PCDH17: variants seen among roughly 807,000 people sequenced by gnomAD.
PCDH17 encodes protocadherin 17, also known as protocadherin-17.
Under a neutral mutation model 67.7 loss-of-function variants are expected in PCDH17, and 21 were observed. The ratio of observed to expected loss-of-function variants is 0.31; its 90% CI spans 0.22 to 0.45. The LOEUF (loss-of-function observed/expected upper bound fraction) is 0.45, where lower values mean the gene tolerates loss of function less well. Ranked by LOEUF, PCDH17 falls within the 20% of genes least tolerant of loss-of-function variation. The probability of loss-of-function intolerance (pLI) is 1.00; values close to 1 mark genes in which losing one functional copy is unlikely to be tolerated. For missense variants in PCDH17, 1,471 were observed against 1,564.8 expected (o/e 0.94, Z 1.01); for synonymous variants, 701 against 656.7 (o/e 1.07, Z -1.03).
intron 3 of PCDH17, among the ~76,000 whole-genome samples, chr13:57,714,876 G>T (rs1318082207): frequency 1.3e-5 from 2 of 151,712 alleles, no homozygotes; most frequent in Admixed American, 6.6e-5. Flanking sequence ...AAAGAGAAAC[G>T]TAGCAGAGAA....
chr13:57,646,232 G>A (rs1021701719), intron 1 of PCDH17, among the ~76,000 whole-genome samples: 1 of 151,474 alleles, frequency 6.6e-6, no homozygotes, highest in East Asian at 1.9e-4. Flanking sequence ...AAATTTTTAT[G>A]CAAATATTGA....
intron 1 of PCDH17, among the ~76,000 whole-genome samples, chr13:57,661,749 A>G (rs1955186375): frequency 1.3e-5 from 2 of 152,054 alleles, no homozygotes; most frequent in African/African-American, 2.4e-5. Flanking sequence ...TTAAACATCA[A>G]CTGTTCATAT....
At chr13:57,660,212 C>T (rs1361489287) in intron 1 of PCDH17, among the ~76,000 whole-genome samples, 3 of 152,116 alleles carry the variant, frequency 2.0e-5, no homozygotes, top group South Asian at 4.1e-4. Flanking sequence ...CCCCACTGCA[C>T]TCCAGCCTGA....
At chr13:57,642,483 T>C (rs544336446) in intron 1 of PCDH17, among the ~76,000 whole-genome samples, 7 of 151,786 alleles carry the variant, frequency 4.6e-5, no homozygotes, top group Non-Finnish European at 8.9e-5. Context: ...GCATCTATGC[T>C]TTACAGTTAC....
chr13:57,684,981 A>G (rs1233096377), intron 3 of PCDH17, among the ~76,000 whole-genome samples: 3 of 151,950 alleles, frequency 2.0e-5, no homozygotes, highest in Admixed American at 2.0e-4. Flanking sequence ...ACAGCACAGT[A>G]ATTAATTTTG....
At chr13:57,670,433 A>G (rs553014149) in intron 3 of PCDH17, among the ~76,000 whole-genome samples, 3 of 151,786 alleles carry the variant, frequency 2.0e-5, no homozygotes, top group Non-Finnish European at 3.0e-5. Context: ...ACGAGAAAAA[A>G]CTAGAGCTAA....
intron 1 of PCDH17, among the ~76,000 whole-genome samples, chr13:57,637,817 G>A (rs543034647): frequency 3.3e-5 from 5 of 152,030 alleles, no homozygotes; most frequent in Non-Finnish European, 7.4e-5. Flanking sequence ...TAAAGCTAAA[G>A]TTAAGATTTA....
chr13:57,666,971 C>A, intron 3 of PCDH17, 138 bp downstream of exon 3: 1 of 664,552 alleles, frequency 1.5e-6, no homozygotes, highest in Middle Eastern at 4.9e-4. Context: ...CTTGAGGTTG[C>A]CCCAGAAAAA....
rs1171125881 is a variant in PCDH17, at chr13:57,728,484, A to G, written c.*3190A>G. ...CACTTCATGGAAATTTCAGTAAGAA[A>G]CCCAAACTTCTAAAAATTGCTTGCA... On this transcript the variant is annotated 3_prime_UTR_variant, in exon 4 of 4. Coordinates refer to ENST00000377918, the MANE Select transcript of PCDH17 (RefSeq NM_001040429.3). 1 of 150,742 alleles carries G rather than the reference A, an allele frequency of 6.6e-6. No individual in the cohort carries two copies. The highest frequency in any genetic ancestry group is 2.4e-5 in the African/African-American group (1 of 40,946). 9.3% of individuals were successfully genotyped at this position (150,742 alleles called of 1,614,324 possible). A position where few individuals can be genotyped will look rare whatever the true frequency, so the allele number is the denominator to read the frequency against.
chr13:57,670,889 A>T (rs930057684), intron 3 of PCDH17, among the ~76,000 whole-genome samples: 2 of 151,888 alleles, frequency 1.3e-5, no homozygotes, highest in Admixed American at 6.6e-5. Flanking sequence ...TGTATTGCCC[A>T]CTATTTTGGC....
At chr13:57,713,444 A>G (rs1417073718) in intron 3 of PCDH17, among the ~76,000 whole-genome samples, 4 of 151,612 alleles carry the variant, frequency 2.6e-5, no homozygotes, top group Non-Finnish European at 5.9e-5. Context: ...AACAGCCTTT[A>G]TTTGAAATGG....
At chr13:57,652,092 C>T (rs1423741963) in intron 1 of PCDH17, among the ~76,000 whole-genome samples, 3 of 151,608 alleles carry the variant, frequency 2.0e-5, no homozygotes, top group African/African-American at 4.8e-5. Flanking sequence ...TCCTGGCTAA[C>T]AAGGTGAAAC....
chr13:57,728,890 G>T lies in PCDH17; in HGVS notation c.*3596G>T, dbSNP rs1269148638. 6.6e-6 allele frequency: 1 copy of T among 152,296 alleles called. No individual in the cohort carries two copies. The highest frequency in any genetic ancestry group is 1.5e-5 in the Non-Finnish European group (1 of 67,978). 9.4% of individuals were successfully genotyped at this position (152,296 alleles called of 1,614,324 possible). On this transcript the variant is annotated 3_prime_UTR_variant, in exon 4 of 4. Coordinates refer to ENST00000377918, the MANE Select transcript of PCDH17 (RefSeq NM_001040429.3). ...AGAGCATATGCTTTTTTAGAACCAG[G>T]TTAAAAGCTGTTTGTTATCTAATAG... is the stretch of plus-strand genomic sequence containing the variant.
Position 57,632,353 on chromosome 13 carries a change from A to C in PCDH17, c.-194A>C, listed in dbSNP as rs1954736419. On this transcript the variant is annotated 5_prime_UTR_variant, in exon 1 of 4. Coordinates refer to ENST00000377918, the MANE Select transcript of PCDH17 (RefSeq NM_001040429.3). Reference sequence around the variant, plus strand: ...TCACCCAGTGCGGATGCTGTAGATCAACAGGTTCAGGGAACTTGAGCAGAA... The same window carrying C: ...TCACCCAGTGCGGATGCTGTAGATCCACAGGTTCAGGGAACTTGAGCAGAA... The C allele has an allele frequency of 4.9e-6, 3 of 608,626 alleles. No homozygotes were observed. The highest frequency in any genetic ancestry group is 8.7e-6 in the Non-Finnish European group (3 of 346,792). The allele number at this position is 608,626 out of a possible 1,614,324, so 37.7% of individuals were successfully genotyped here.
chr13:57,634,058 C>T lies in PCDH17; in HGVS notation c.1512C>T (p.Asn504=). The change falls in exon 1 of 4, where the codon AAC becomes AAT. Residue 504 remains asparagine, a synonymous_variant. Coordinates refer to ENST00000377918, the MANE Select transcript of PCDH17 (RefSeq NM_001040429.3). The surrounding 1 kb of genome is among the most constrained non-coding windows in gnomAD (Gnocchi z 7.8). ...VLAQDPDLGQ[N]GTVSYSILPS... ...CCCAGGATCCCGACCTGGGCCAGAACGGCACCGTATCCTACTCTATCCTGC... is the reference window on the plus strand; with the variant it reads ...CCCAGGATCCCGACCTGGGCCAGAATGGCACCGTATCCTACTCTATCCTGC... 1 of 1,613,416 alleles carries T rather than the reference C, an allele frequency of 6.2e-7. No homozygotes were observed.
intron 3 of PCDH17, among the ~76,000 whole-genome samples, chr13:57,714,626 C>T (rs1159550161): frequency 4.6e-5 from 7 of 151,696 alleles, no homozygotes; most frequent in Non-Finnish European, 8.9e-5. Context: ...TAAATTTGTC[C>T]TTGTAAGCCA....
chr13:57,724,531 T>C (rs931088198), intron 3 of PCDH17, 81 bp from the exon 4 acceptor site: 9 of 1,134,732 alleles, frequency 7.9e-6, no homozygotes, highest in Non-Finnish European at 1.1e-5. Flanking sequence ...AGCAAGCCCA[T>C]TGAGAGCTGA....
rs775875486 is a variant in PCDH17 at position 57,666,712 on chromosome 13, C to T, written c.2676C>T (p.His892=). The change falls in exon 3 of 4, where the codon CAC becomes CAT. Residue 892 remains histidine, a synonymous_variant. Coordinates refer to ENST00000377918, the MANE Select transcript of PCDH17 (RefSeq NM_001040429.3). ...GAGCCAGCCTGAGAGACAGTGGGCA[C>T]GGGGACAGTGATCAGGCTGACAGTG... ...PERASLRDSG[H]GDSDQADSDQ... The T allele has an allele frequency of 5.0e-6, 8 of 1,613,478 alleles. No individual in the cohort carries two copies. The highest frequency in any genetic ancestry group is 1.7e-5 in the Admixed American group (1 of 59,898).
At chr13:57,657,266 T>C (rs1955117443) in intron 1 of PCDH17, among the ~76,000 whole-genome samples, 1 of 152,164 alleles carries the variant, frequency 6.6e-6, no homozygotes, top group Non-Finnish European at 1.5e-5. Flanking sequence ...TGTCCTCTCA[T>C]TTTTAATTTA....
Sources: allele counts gnomAD v4.1 joint callset (sites outside exome capture counted in the v4.1 genomes callset), GRCh38; gene constraint gnomAD v4.1.1; non-coding constraint Gnocchi (gnomAD v3.1); transcripts MANE v1.5; gene names NCBI Gene and HGNC (gene_info 2026-07-23, HGNC 2026-07-21).